Variants in PCDHA7 observed in about 807,000 individuals in gnomAD.
PCDHA7 encodes protocadherin alpha 7, also known as protocadherin alpha-7.
A neutral mutation model predicts 57.2 loss-of-function variants in PCDHA7; 37 were observed. The observed-to-expected ratio is 0.65, with a 90% CI of 0.50 to 0.85. The LOEUF (loss-of-function observed/expected upper bound fraction) is 0.85. Ranked by LOEUF, PCDHA7 falls within the 40% of genes least tolerant of loss-of-function variation. PCDHA7 has a pLI of 0.00. For synonymous variants in PCDHA7, 553 were observed against 558.8 expected (o/e 0.99, Z 0.15); for missense variants, 1,188 against 1,241.8 (o/e 0.96, Z 0.65).
chr5:140,876,259 C>T (rs1554168431), intron 1 of PCDHA7: 7 of 1,613,952 alleles, frequency 4.3e-6, no homozygotes, highest in South Asian at 1.1e-5. Flanking sequence ...AAGAGTGATC[C>T]AACTAAATGC....
chr5:140,871,674 A>G (rs1582053798), intron 1 of PCDHA7: 3 of 1,137,860 alleles, frequency 2.6e-6, no homozygotes, highest in Non-Finnish European at 3.6e-6. Context: ...TCTTTTAATC[A>G]TATGAATAAT....
rs782026939 is a variant in PCDHA7, at chr5:140,883,016, A to T, written c.2355+46278A>T. 6.8e-6 allele frequency: 11 copies of T among 1,614,158 alleles called. No individual in the cohort carries two copies. The Admixed American group carries it at 1.7e-4, about 24-fold the overall frequency. On this transcript the variant is annotated intron_variant, in intron 1 of 3. Coordinates refer to ENST00000525929, the MANE Select transcript of PCDHA7 (RefSeq NM_018910.3). ...ATTTTACCAATCCGTTTATAAAGTG[A>T]CGGTGTTAGAGAACGCCTTCAATGG...
intron 1 of PCDHA7, among the ~76,000 whole-genome samples, chr5:140,839,019 G>A (rs1394721397): frequency 6.6e-6 from 1 of 151,970 alleles, no homozygotes; most frequent in African/African-American, 2.4e-5. Flanking sequence ...AATTATTTTA[G>A]GATATGTTAC....
At chr5:140,875,438 T>C (rs1554167643) in intron 1 of PCDHA7, 1 of 1,568,134 alleles carries the variant, frequency 6.4e-7, no homozygotes, top group Non-Finnish European at 8.6e-7. Flanking sequence ...CCCTTAAAAC[T>C]GATTGTCCCA....
At chr5:140,858,660 TAAC>T in intron 1 of PCDHA7, 1 of 753,410 alleles carries the variant, frequency 1.3e-6, no homozygotes, top group East Asian at 2.7e-5. Flanking sequence ...TTTTTTTAAA[TAAC>T]AATTTATTCT....
chr5:140,968,866 A>C, intron 1 of PCDHA7: 1 of 1,614,230 alleles, frequency 6.2e-7, no homozygotes, highest in Non-Finnish European at 8.5e-7. Context: ...GCCCTCGGAC[A>C]TACTCTGAAA....
At chr5:140,945,369 A>T (rs2153669585) in intron 1 of PCDHA7, among the ~76,000 whole-genome samples, 1 of 152,234 alleles carries the variant, frequency 6.6e-6, no homozygotes, top group African/African-American at 2.4e-5. Flanking sequence ...TAAAATGTCC[A>T]TATTACCCAA....
At chr5:140,877,697 C>A in intron 1 of PCDHA7, 2 of 1,613,912 alleles carry the variant, frequency 1.2e-6, no homozygotes, top group Non-Finnish European at 1.7e-6. Context: ...CTGGTGTGCT[C>A]CAGCGCCGTG....
intron 1 of PCDHA7, among the ~76,000 whole-genome samples, chr5:140,925,950 A>G (rs2082820493): frequency 6.6e-6 from 1 of 152,030 alleles, no homozygotes. Flanking sequence ...GGAGAAGGAG[A>G]AACTGCTATC....
chr5:140,841,273 T>C, intron 1 of PCDHA7: 1 of 1,504,492 alleles, frequency 6.6e-7, no homozygotes, highest in Non-Finnish European at 8.9e-7. Flanking sequence ...GTACAGTCGT[T>C]CATCTTTATA....
chr5:140,886,159 C>T (rs1006053368), intron 1 of PCDHA7, among the ~76,000 whole-genome samples: 16 of 152,164 alleles, frequency 1.1e-4, no homozygotes, highest in Non-Finnish European at 2.1e-4. Flanking sequence ...TTTTTATAGC[C>T]ACATCTGCTT....
At chr5:140,992,332 A>G (rs1554252819) in intron 3 of PCDHA7, among the ~76,000 whole-genome samples, 1 of 152,202 alleles carries the variant, frequency 6.6e-6, no homozygotes, top group African/African-American at 2.4e-5. Context: ...TCTAAGAGCA[A>G]AGATGGAAAT....
chr5:140,936,200 T>C (rs906256264), intron 1 of PCDHA7, among the ~76,000 whole-genome samples: 4 of 152,322 alleles, frequency 2.6e-5, no homozygotes, highest in African/African-American at 7.2e-5. Context: ...GCCAAAGTTG[T>C]CTTTTTTATT....
chr5:140,925,668 A>G (rs1215540778), intron 1 of PCDHA7, among the ~76,000 whole-genome samples: 1 of 149,482 alleles, frequency 6.7e-6, no homozygotes, highest in Admixed American at 6.7e-5. Context: ...TAATAATAAT[A>G]ATAATAATAA....
chr5:140,967,215 G>T (rs782646028), intron 1 of PCDHA7: 1 of 1,613,682 alleles, frequency 6.2e-7, no homozygotes, highest in Non-Finnish European at 8.5e-7. Context: ...CGTTTCCCGC[G>T]GCCCAACTAC....
In PCDHA7 at chr5:140,927,952, G is replaced by C. The variant is rs1352026553; in HGVS notation, c.2356-50997G>C. 6 of 1,614,064 alleles carry C rather than the reference G, an allele frequency of 3.7e-6. No homozygotes were observed. In the African/African-American group the frequency reaches 8.0e-5, roughly 22 times the overall value. On this transcript the variant is annotated intron_variant, in intron 1 of 3. Coordinates refer to ENST00000525929, the MANE Select transcript of PCDHA7 (RefSeq NM_018910.3). ...TTCGAACCCAGTACCTGAGGACGCTGCCCCTGGCACAGTGATTGCTCTCTT... is the reference window on the plus strand; with the variant it reads ...TTCGAACCCAGTACCTGAGGACGCTCCCCCTGGCACAGTGATTGCTCTCTT...
At chr5:140,856,634 C>A (rs2044123180) in intron 1 of PCDHA7, 2 of 1,597,826 alleles carry the variant, frequency 1.3e-6, no homozygotes, top group African/African-American at 1.3e-5. Flanking sequence ...GCTTGTTCTG[C>A]GGAAGCTGCT....
rs782489417 is a variant in PCDHA7, at chr5:140,927,802, A to C, written c.2356-51147A>C. 6.2e-6 allele frequency: 10 copies of C among 1,614,148 alleles called. No homozygotes were observed. The East Asian group carries it at 2.0e-4, about 32-fold the overall frequency. On this transcript the variant is annotated intron_variant, in intron 1 of 3. Transcript: ENST00000525929. ...AGCTGCTTCACTAGGTCCGCCTGAA[A>C]CGCTCTTGGAGGCATACATTGAGGC...
chr5:140,989,630 G>C (rs1483532761), intron 3 of PCDHA7, among the ~76,000 whole-genome samples: 4 of 152,228 alleles, frequency 2.6e-5, no homozygotes, highest in Admixed American at 2.6e-4. Context: ...CCTAGTGACA[G>C]CAAGGGTCTT....
Sources: gnomAD v4.1 joint callset for allele counts (sites outside exome capture counted in the v4.1 genomes callset) on GRCh38, gnomAD v4.1.1 for gene constraint, MANE v1.5 for transcripts, NCBI Gene and HGNC (gene_info 2026-07-23, HGNC 2026-07-21) for gene names.